RASGEF1A: variants seen among roughly 807,000 people sequenced by gnomAD.
The protein encoded by RASGEF1A is RasGEF domain family member 1A.
RASGEF1A carries 18 observed loss-of-function variants against 56.4 expected under a neutral mutation model. The ratio of observed to expected loss-of-function variants is 0.32; its 90% CI spans 0.22 to 0.47. The LOEUF is 0.47. Ranked by LOEUF, RASGEF1A falls within the 20% of genes least tolerant of loss-of-function variation. The pLI, the probability that RASGEF1A is intolerant of heterozygous loss-of-function variation, is 1.00. For synonymous variants in RASGEF1A, 245 were observed against 242.6 expected (o/e 1.01, Z -0.09); for missense variants, 422 against 627.1 (o/e 0.67, Z 3.49).
rs145512308 is a variant in RASGEF1A at position 43,233,728 on chromosome 10, G to A, written c.-6-27606C>T. Among the ~76,000 whole-genome samples, 1,055 of 152,248 alleles carry A rather than the reference G, an allele frequency of 6.9e-3. 17 individuals carry two copies. The highest frequency in any genetic ancestry group is 0.024 in the African/African-American group (992 of 41,548). On this transcript the variant is annotated intron_variant, in intron 1 of 12. Coordinates refer to ENST00000395810, the MANE Select transcript of RASGEF1A (RefSeq NM_145313.4). The stretch of plus-strand genomic sequence containing the variant: ...CAGCCCGATCATGCCTATGAACACC[G>A]ACCACACCAGGCCCAGAAATTCCAT...
At chr10:43,252,447 A>G (rs1840637682) in intron 1 of RASGEF1A, among the ~76,000 whole-genome samples, 1 of 151,954 alleles carries the variant, frequency 6.6e-6, no homozygotes, top group Non-Finnish European at 1.5e-5. Flanking sequence ...GCTGCGGGAC[A>G]GGCCGGGGCT....
chr10:43,229,358 C>T (rs1294108120), intron 1 of RASGEF1A, among the ~76,000 whole-genome samples: 1 of 152,258 alleles, frequency 6.6e-6, no homozygotes, highest in Non-Finnish European at 1.5e-5. Context: ...CGGGCTCCTA[C>T]ACGCCCGTCC....
At position 43,200,149 on chromosome 10, in the gene RASGEF1A, T is replaced by A. The variant is rs761658613; in HGVS notation, c.756+33A>T. 9.7e-6 allele frequency: 15 copies of A among 1,547,060 alleles called. No homozygotes were observed. In the South Asian group the frequency reaches 1.8e-4, roughly 18 times the overall value. On this transcript the variant is annotated intron_variant, in intron 6 of 12. Coordinates refer to ENST00000395810, the MANE Select transcript of RASGEF1A (RefSeq NM_145313.4). ...AGCGCAAGTGCTGGGCAGACAGGGC[T>A]GGCAGGGGTGCCACAGGCCTTGGCC...
chr10:43,259,092 C>T (rs17158702), intron 1 of RASGEF1A, among the ~76,000 whole-genome samples: 24,092 of 152,252 alleles, frequency 0.16, 2,016 homozygotes, highest in South Asian at 0.25. Flanking sequence ...AGACAAAGCT[C>T]CTCATGCCAG....
At chr10:43,233,007 C>G (rs565131115) in intron 1 of RASGEF1A, among the ~76,000 whole-genome samples, 1 of 151,756 alleles carries the variant, frequency 6.6e-6, no homozygotes, top group African/African-American at 2.4e-5. Flanking sequence ...ACAGGCCCTG[C>G]CCACCCTCCC....
chr10:43,253,142 A>G (rs549425990), intron 1 of RASGEF1A, among the ~76,000 whole-genome samples: 1 of 152,082 alleles, frequency 6.6e-6, no homozygotes, highest in East Asian at 1.9e-4. Context: ...TAGCAAGGCC[A>G]CCTGCAGGAG....
In RASGEF1A at chr10:43,239,958, G is replaced by T. The variant is rs548228238; in HGVS notation, c.-7+26887C>A. ...TTTCAGTAATGACATGATCATAGGG[G>T]TTTTGAAAAACTGCAGTGCATTCCT... On this transcript the variant is annotated intron_variant, in intron 1 of 12. Coordinates refer to ENST00000395810, the MANE Select transcript of RASGEF1A (RefSeq NM_145313.4). Among the ~76,000 whole-genome samples, 8 of 152,234 alleles carry T rather than the reference G, an allele frequency of 5.3e-5. No homozygotes were observed. The South Asian group carries it at 1.7e-3, about 32-fold the overall frequency.
At chr10:43,213,199 A>T (rs962758308) in intron 1 of RASGEF1A, among the ~76,000 whole-genome samples, 1 of 151,550 alleles carries the variant, frequency 6.6e-6, no homozygotes, top group African/African-American at 2.4e-5. Flanking sequence ...GTTTGCAGCA[A>T]TGTATTGTAT....
intron 1 of RASGEF1A, among the ~76,000 whole-genome samples, chr10:43,266,463 G>T (rs1836625506): frequency 1.3e-5 from 2 of 151,858 alleles, no homozygotes; most frequent in South Asian, 4.2e-4. Context: ...CGATTCCCCA[G>T]CCCCCACCCC....
intron 1 of RASGEF1A, among the ~76,000 whole-genome samples, chr10:43,256,619 ACT>A (rs1177318638): frequency 6.6e-6 from 1 of 151,712 alleles, no homozygotes; most frequent in African/African-American, 2.4e-5. Flanking sequence ...ACTCAGTGCG[ACT>A]CTGGACCTCA....
intron 1 of RASGEF1A, among the ~76,000 whole-genome samples, chr10:43,250,366 G>A (rs981457192): frequency 1.3e-5 from 2 of 152,178 alleles, no homozygotes. Context: ...CCACCTCCCA[G>A]GTCCATATGC....
chr10:43,261,438 C>T (rs952708698), intron 1 of RASGEF1A, among the ~76,000 whole-genome samples: 8 of 152,240 alleles, frequency 5.3e-5, no homozygotes, highest in Non-Finnish European at 8.8e-5. Flanking sequence ...CTTGGGCTCT[C>T]CCAGGTGCCA....
chr10:43,208,610 C>G, intron 1 of RASGEF1A: 1 of 985,692 alleles, frequency 1.0e-6, no homozygotes, highest in Non-Finnish European at 1.2e-6. Flanking sequence ...TGGAGCCGCA[C>G]TGACCTGAGA....
At chr10:43,214,939 G>A (rs1472470719) in intron 1 of RASGEF1A, among the ~76,000 whole-genome samples, 1 of 152,162 alleles carries the variant, frequency 6.6e-6, no homozygotes, top group Non-Finnish European at 1.5e-5. Flanking sequence ...CAGGACCCAA[G>A]AGGCCGTAAT....
intron 1 of RASGEF1A, among the ~76,000 whole-genome samples, chr10:43,255,154 TG>T (rs1331724042): frequency 4.6e-5 from 7 of 152,002 alleles, no homozygotes; most frequent in Non-Finnish European, 1.0e-4. Context: ...TTGGCTGCAG[TG>T]GGAATGCCCA....
intron 1 of RASGEF1A, chr10:43,229,591 A>G: frequency 6.9e-7 from 1 of 1,453,316 alleles, no homozygotes; most frequent in South Asian, 1.3e-5. Flanking sequence ...CGACAGCGCA[A>G]GAACCCTGCC....
chr10:43,259,355 C>T (rs1836486976), intron 1 of RASGEF1A, among the ~76,000 whole-genome samples: 1 of 152,152 alleles, frequency 6.6e-6, no homozygotes, highest in African/African-American at 2.4e-5. Context: ...CCAGACTCCC[C>T]CAGGGCTGTG....
intron 6 of RASGEF1A, 49 bp downstream of exon 6, chr10:43,200,133 G>T: frequency 6.8e-7 from 1 of 1,470,580 alleles, no homozygotes; most frequent in Non-Finnish European, 9.3e-7. Context: ...GAGCGCAAGT[G>T]CTGGGCAGAC....
At chr10:43,214,886 G>A (rs1264240169) in intron 1 of RASGEF1A, among the ~76,000 whole-genome samples, 2 of 152,162 alleles carry the variant, frequency 1.3e-5, no homozygotes, top group East Asian at 1.9e-4. Context: ...GAGACAGCCC[G>A]GAGAGGCCCG....
Sources: gnomAD v4.1 joint callset for allele counts (sites outside exome capture counted in the v4.1 genomes callset) on GRCh38, gnomAD v4.1.1 for gene constraint, MANE v1.5 for transcripts, NCBI Gene and HGNC (gene_info 2026-07-23, HGNC 2026-07-21) for gene names.